COL11A1: variants seen among roughly 807,000 people sequenced by gnomAD.
COL11A1 encodes collagen alpha-1(XI) chain.
COL11A1 carries 74 observed loss-of-function variants against 265.2 expected under a neutral mutation model. The observed-to-expected ratio is 0.28, with a 90% CI of 0.23 to 0.34. The LOEUF (loss-of-function observed/expected upper bound fraction) is 0.34, where lower values mean the gene tolerates loss of function less well. Ranked by LOEUF, COL11A1 falls within the 10% of genes least tolerant of loss-of-function variation. The pLI is 1.00. For missense variants in COL11A1, 2,165 were observed against 2,263.6 expected (o/e 0.96, Z 0.88); for synonymous variants, 816 against 727.6 (o/e 1.12, Z -1.96).
intron 42 of COL11A1, among the ~76,000 whole-genome samples, chr1:102,944,064 T>C (rs910050356): frequency 2.0e-5 from 3 of 152,114 alleles, no homozygotes; most frequent in Non-Finnish European, 4.4e-5. Context: ...AGGACATTTC[T>C]CCATTCTAGG....
intron 63 of COL11A1, among the ~76,000 whole-genome samples, chr1:102,885,469 T>C (rs1013890795): frequency 2.0e-5 from 3 of 152,264 alleles, no homozygotes; most frequent in South Asian, 2.1e-4. Flanking sequence ...AACAATGCAA[T>C]ATCAACCTGC....
intron 25 of COL11A1, 65 bp from the exon 26 acceptor site, chr1:102,997,189 G>T: frequency 1.5e-6 from 2 of 1,356,736 alleles, no homozygotes; most frequent in Non-Finnish European, 2.1e-6. Flanking sequence ...TACTACGAAA[G>T]TATTTCTTTT....
intron 14 of COL11A1, 78 bp from the exon 15 acceptor site, chr1:103,008,594 ATAAT>A (rs1665841143): frequency 3.6e-6 from 4 of 1,114,542 alleles, no homozygotes; most frequent in Middle Eastern, 2.0e-4. Flanking sequence ...TGCACCTGAA[ATAAT>A]TAAACATTAT....
chr1:102,903,813 AGTGAC>A (rs138201237), intron 54 of COL11A1, among the ~76,000 whole-genome samples: 1,524 of 152,300 alleles, frequency 0.01, 29 homozygotes, highest in African/African-American at 0.035. Flanking sequence ...GTATAGACAA[AGTGAC>A]CTCACATATG....
chr1:103,061,714 T>C (rs577708461), intron 4 of COL11A1, among the ~76,000 whole-genome samples: 9 of 151,940 alleles, frequency 5.9e-5, no homozygotes, highest in Non-Finnish European at 1.2e-4. Context: ...GGGAAATCTA[T>C]AGCATTGAAT....
At chr1:102,997,036 G>C (rs1664695580) in intron 26 of COL11A1, 44 bp downstream of exon 26, 1 of 1,549,324 alleles carries the variant, frequency 6.5e-7, no homozygotes, top group Non-Finnish European at 8.9e-7. Context: ...TTTTCTCTTG[G>C]AAATTTATTA....
rs1672149786 is a variant in COL11A1 at position 103,078,486 on chromosome 1, G to C, written c.488+172C>G. 2.0e-5 allele frequency among the ~76,000 whole-genome samples: 3 copies of C among 151,876 alleles called. No homozygotes were observed. The South Asian group carries it at 6.2e-4, about 32-fold the overall frequency. On this transcript the variant is annotated intron_variant, in intron 3 of 66. Coordinates refer to ENST00000370096, the MANE Select transcript of COL11A1 (RefSeq NM_001854.4). ...ATTAGTAATTTATTTTGAAAACATT[G>C]TTTATTGTTTCCCTGTACACACTAT...
chr1:103,077,521 A>G (rs1672069375), intron 3 of COL11A1, among the ~76,000 whole-genome samples: 3 of 152,086 alleles, frequency 2.0e-5, no homozygotes, highest in African/African-American at 7.2e-5. Flanking sequence ...AATTAGTTGT[A>G]AAAGCCTAAA....
chr1:102,978,701 T>C lies in COL11A1; in HGVS notation c.2754+7A>G. On this transcript the variant is annotated splice_region_variant and intron_variant, in intron 35 of 66. Coordinates refer to ENST00000370096, the MANE Select transcript of COL11A1 (RefSeq NM_001854.4). ...CATTTTATATTATGTGGCTGTATCA[T>C]ACGTACTCTTTCACCTGGAGGGCCA... is the stretch of plus-strand genomic sequence containing the variant. 1 of 1,613,824 alleles carries C rather than the reference T, an allele frequency of 6.2e-7. No homozygotes were observed. The highest frequency in any genetic ancestry group is 8.5e-7 in the Non-Finnish European group (1 of 1,179,662).
chr1:102,913,872 A>T (rs994589180), intron 52 of COL11A1, among the ~76,000 whole-genome samples, 182 bp from the exon 53 acceptor site: 1 of 152,150 alleles, frequency 6.6e-6, no homozygotes, highest in Non-Finnish European at 1.5e-5. Flanking sequence ...TCCGCAAAAA[A>T]ATTTGTAAAA....
intron 1 of COL11A1, among the ~76,000 whole-genome samples, chr1:103,097,419 C>G (rs1479015814): frequency 6.6e-6 from 1 of 151,920 alleles, no homozygotes; most frequent in African/African-American, 2.4e-5. Context: ...GCTCTTTCCT[C>G]TTCACTTTAG....
chr1:102,911,276 A>C (rs961055491), intron 54 of COL11A1, among the ~76,000 whole-genome samples: 1 of 152,158 alleles, frequency 6.6e-6, no homozygotes, highest in African/African-American at 2.4e-5. Flanking sequence ...ATATTGATTC[A>C]AATTTGTATT....
At chr1:102,889,963 C>G (rs1651537169) in intron 58 of COL11A1, among the ~76,000 whole-genome samples, 1 of 152,106 alleles carries the variant, frequency 6.6e-6, no homozygotes, top group Admixed American at 6.6e-5. Context: ...AGAGACTCTG[C>G]AGTCTTTAAA....
intron 35 of COL11A1, among the ~76,000 whole-genome samples, chr1:102,975,715 T>A (rs943270659): frequency 6.6e-6 from 1 of 152,130 alleles, no homozygotes; most frequent in South Asian, 2.1e-4. Context: ...TTATGAAAGA[T>A]AACATAAGTA....
intron 10 of COL11A1, 34 bp downstream of exon 10, chr1:103,018,784 A>C: frequency 1.3e-6 from 2 of 1,563,348 alleles, no homozygotes; most frequent in Non-Finnish European, 1.8e-6. Context: ...GATTACTTTA[A>C]ATAGACAAAA....
intron 15 of COL11A1, among the ~76,000 whole-genome samples, chr1:103,008,199 T>C (rs1355112225): frequency 6.6e-6 from 1 of 152,208 alleles, no homozygotes; most frequent in East Asian, 1.9e-4. Flanking sequence ...TCAGTATTTT[T>C]ACACGATTCC....
At chr1:102,906,726 C>A (rs1190137536) in intron 54 of COL11A1, among the ~76,000 whole-genome samples, 2 of 150,634 alleles carry the variant, frequency 1.3e-5, no homozygotes, top group East Asian at 1.9e-4. Flanking sequence ...TTTTCTTTTT[C>A]TTTTTCTTTT....
At chr1:102,889,428 G>GA (rs1557778186) in intron 59 of COL11A1, 27 bp downstream of exon 59, 3 of 1,239,264 alleles carry the variant, frequency 2.4e-6, no homozygotes, top group South Asian at 1.2e-5. Context: ...GAAATGAGTA[G>GA]AAAAAATAAC....
At chr1:102,988,173 C>T (rs1019037047) in intron 29 of COL11A1, among the ~76,000 whole-genome samples, 1 of 152,074 alleles carries the variant, frequency 6.6e-6, no homozygotes, top group Non-Finnish European at 1.5e-5. Context: ...TTTCTGACAA[C>T]CAGCTGACTC....
Sources: gnomAD v4.1 joint callset for allele counts (sites outside exome capture counted in the v4.1 genomes callset) on GRCh38, gnomAD v4.1.1 for gene constraint, MANE v1.5 for transcripts, NCBI Gene and HGNC (gene_info 2026-07-23, HGNC 2026-07-21) for gene names.